The following DUOX2 variants were observed in gnomAD, a reference collection of about 807,000 sequenced individuals.
DUOX2 encodes the protein dual oxidase 2, also known as NADH/NADPH thyroid oxidase p138-tox.
DUOX2 carries 185 observed loss-of-function variants against 183.3 expected under a neutral mutation model. The ratio of observed to expected loss-of-function variants is 1.01; its 90% CI spans 0.90 to 1.14. DUOX2 has a LOEUF of 1.14. Among genes scored for constraint, DUOX2 ranks in the 50% most tolerant of loss-of-function variants. The pLI, the probability that DUOX2 is intolerant of heterozygous loss-of-function variation, is 0.00. For missense variants in DUOX2, 1,999 were observed against 2,022.9 expected (o/e 0.99, Z 0.23); for synonymous variants, 788 against 812.4 (o/e 0.97, Z 0.51).
At position 45,094,080 on chromosome 15, in the gene DUOX2, C is replaced by G; in HGVS notation, c.*70G>C. 1 of 1,608,400 alleles carries G rather than the reference C, an allele frequency of 6.2e-7. No homozygotes were observed. The highest frequency in any genetic ancestry group is 8.5e-7 in the Non-Finnish European group (1 of 1,175,186). On this transcript the variant is annotated 3_prime_UTR_variant, in exon 34 of 34. Transcript: ENST00000389039. Reference sequence around the variant, plus strand: ...TGGATTCTGATGGAGAGATTGCCAGCAGGGCTGGGCAACTTAGGTGCACAG... The same window carrying G: ...TGGATTCTGATGGAGAGATTGCCAGGAGGGCTGGGCAACTTAGGTGCACAG...
chr15:45,111,551 G>T lies in DUOX2; in HGVS notation c.548C>A (p.Ala183Asp), dbSNP rs1248620730. 1 of 1,552,244 alleles carries T rather than the reference G, an allele frequency of 6.4e-7. No homozygotes were observed. Among genetic ancestry groups the T allele is most frequent in the Non-Finnish European group, 8.7e-7 (1 of 1,152,740 alleles). Reference sequence around the variant, plus strand: ...CCAGGAGTGCGAGGAGCCATAGATGGCGCTGCCGTCCAGCCAGCCCGTCAC... The same window carrying T: ...CCAGGAGTGCGAGGAGCCATAGATGTCGCTGCCGTCCAGCCAGCCCGTCAC... ...NQVTGWLDGS[A>D]IYGSSHSWSD... Residue 183 changes from alanine to aspartate, a missense_variant, in exon 6 of 34, where the codon GCC (alanine) becomes GAC (aspartate). Physicochemically the swap from Ala to Asp is moderately radical, Grantham distance 126. Coordinates refer to ENST00000389039, the MANE Select transcript of DUOX2 (RefSeq NM_001363711.2).
Position 45,101,773 on chromosome 15 carries a change from A to G in DUOX2, c.2851+20T>C, listed in dbSNP as rs757801221. ...GACACGCCCCCCCTCCCTGACGCCA[A>G]CCATTCCTCACACACTCACCATTTC... is the stretch of plus-strand genomic sequence containing the variant. On this transcript the variant is annotated intron_variant, in intron 21 of 33. Transcript: ENST00000389039. The G allele has an allele frequency of 1.3e-5, 21 of 1,614,070 alleles. No homozygotes were observed. The Admixed American group carries it at 2.5e-4, about 19-fold the overall frequency.
chr15:45,096,967 A>G (rs1288927858), intron 29 of DUOX2, among the ~76,000 whole-genome samples: 1 of 151,804 alleles, frequency 6.6e-6, no homozygotes. Flanking sequence ...GCCCTTTCCC[A>G]TCCTCAAACC....
At chr15:45,099,983 G>C in intron 24 of DUOX2, 67 bp downstream of exon 24, 3 of 1,611,080 alleles carry the variant, frequency 1.9e-6, no homozygotes, top group South Asian at 1.1e-5. Context: ...GGATCAGAGG[G>C]CTTTCCACTC....
intron 14 of DUOX2, among the ~76,000 whole-genome samples, 165 bp from the exon 15 acceptor site, chr15:45,107,134 G>C (rs539458559): frequency 6.6e-6 from 1 of 152,144 alleles, no homozygotes; most frequent in African/African-American, 2.4e-5. Context: ...CCTGTCTCTT[G>C]GCATCTACCC....
chr15:45,102,080 G>A (rs1894098702), intron 20 of DUOX2, 91 bp from the exon 21 acceptor site: 1 of 1,474,060 alleles, frequency 6.8e-7, no homozygotes, highest in African/African-American at 1.4e-5. Flanking sequence ...ATTATCTAAT[G>A]TGGTTACCAG....
At chr15:45,096,293 C>T (rs1170027800) in intron 29 of DUOX2, among the ~76,000 whole-genome samples, 1 of 152,090 alleles carries the variant, frequency 6.6e-6, no homozygotes, top group Non-Finnish European at 1.5e-5. Flanking sequence ...CTCTCTACTC[C>T]CTCTTCCCAT....
chr15:45,101,081 C>A (rs1894069011), intron 22 of DUOX2, 124 bp downstream of exon 22: 8 of 885,164 alleles, frequency 9.0e-6, no homozygotes, highest in Middle Eastern at 6.1e-4. Flanking sequence ...TTTGTGCTAC[C>A]ATGAGCTACT....
At chr15:45,112,804 A>G in intron 3 of DUOX2, 86 bp from the exon 4 acceptor site, 1 of 1,589,496 alleles carries the variant, frequency 6.3e-7, no homozygotes, top group East Asian at 2.2e-5. Flanking sequence ...CTCAACCCCC[A>G]TCCCACTTCA....
At chr15:45,107,900 A>G in intron 13 of DUOX2, 147 bp downstream of exon 13, 1 of 784,884 alleles carries the variant, frequency 1.3e-6, no homozygotes, top group South Asian at 1.6e-5. Context: ...AGAGAAGAGA[A>G]GAAAAAAAGA....
intron 20 of DUOX2, 38 bp downstream of exon 20, chr15:45,103,922 A>G (rs1276534864): frequency 6.2e-7 from 1 of 1,610,176 alleles, no homozygotes; most frequent in Non-Finnish European, 8.5e-7. Context: ...TTTGAAACAC[A>G]CCAGGAAGTC....
At chr15:45,097,892 T>A in intron 27 of DUOX2, 117 bp downstream of exon 27, 1 of 1,545,786 alleles carries the variant, frequency 6.5e-7, no homozygotes, top group South Asian at 1.1e-5. Context: ...GAGCTGGGGC[T>A]TGTCCTGAAG....
At chr15:45,105,980 T>G (rs1894202163) in intron 17 of DUOX2, 145 bp downstream of exon 17, 2 of 1,369,676 alleles carry the variant, frequency 1.5e-6, no homozygotes, top group Non-Finnish European at 2.0e-6. Context: ...GGGGTCAGGT[T>G]GTGTCTGGGG....
chr15:45,105,985 C>G, intron 17 of DUOX2, 140 bp downstream of exon 17: 1 of 1,362,416 alleles, frequency 7.3e-7, no homozygotes, highest in South Asian at 1.2e-5. Flanking sequence ...CAGGTTGTGT[C>G]TGGGGGCCTC....
rs1309235832 is a variant in DUOX2 at position 45,095,086 on chromosome 15, G to T, written c.4245C>A (p.Tyr1415Ter). ...GCTGGGTCCGTGTCACCCAGATGAA[G>T]TAGATCTGGGGACACAGGGCTGGAG... ...LGSQMLCKKI[Y>*]FIWVTRTQRQ... The change falls in exon 32 of 34, where the codon TAC (tyrosine) becomes TAA (stop). Residue 1415 changes from tyrosine (Y) to a stop codon, truncating the protein, a stop_gained. Transcript: ENST00000389039. LOFTEE classifies it high-confidence loss of function. 1 of 1,613,616 alleles carries T rather than the reference G, an allele frequency of 6.2e-7. No individual in the cohort carries two copies. Among genetic ancestry groups the T allele is most frequent in the African/African-American group, 1.3e-5 (1 of 74,916 alleles).
In DUOX2 at chr15:45,101,652, C is replaced by T. The variant is rs557662004; in HGVS notation, c.2851+141G>A. 23 of 1,069,398 alleles carry T rather than the reference C, an allele frequency of 2.2e-5. No individual in the cohort carries two copies. The African/African-American group carries it at 2.7e-4, about 12-fold the overall frequency. 66.2% of individuals were successfully genotyped at this position (1,069,398 alleles called of 1,614,324 possible). On this transcript the variant is annotated intron_variant, in intron 21 of 33. Transcript: ENST00000389039. ...TAGGCAACTTGCACACCTACATGTGCCATCCCAATTACATGTGCTTGGTTC... is the reference window on the plus strand; with the variant it reads ...TAGGCAACTTGCACACCTACATGTGTCATCCCAATTACATGTGCTTGGTTC...
In DUOX2 at chr15:45,093,864, C is replaced by A; in HGVS notation, c.*286G>T. The A allele has an allele frequency of 2.3e-6, 1 of 427,720 alleles. No homozygotes were observed. Among genetic ancestry groups the A allele is most frequent in the South Asian group, 2.2e-5 (1 of 45,332 alleles). The allele number at this position is 427,720 out of a possible 1,614,324, so 26.5% of individuals were successfully genotyped here. On this transcript the variant is annotated 3_prime_UTR_variant, in exon 34 of 34. Transcript: ENST00000389039. ...TTCTTTGGGAGATCCTGACTGGTTG[C>A]GCACTTGCTAAGGGCAGGAAGTCTG... is the stretch of plus-strand genomic sequence containing the variant.
At chr15:45,109,666 A>C in intron 10 of DUOX2, 40 bp from the exon 11 acceptor site, 1 of 1,602,452 alleles carries the variant, frequency 6.2e-7, no homozygotes. Context: ...CCTCTACCCA[A>C]AACTCGGTCT....
Position 45,100,894 on chromosome 15 carries a change from T to C in DUOX2, c.2922-56A>G, listed in dbSNP as rs1056702781. 9.8e-5 allele frequency: 128 copies of C among 1,302,186 alleles called. No individual in the cohort carries two copies. In the African/African-American group the frequency reaches 1.7e-3, roughly 17 times the overall value. 80.7% of individuals were successfully genotyped at this position (1,302,186 alleles called of 1,614,324 possible). ...TTGTCTTTGCAGCCAGGAGAACAAC[T>C]CCCTGGGCAGAGCATGGGGTAGAGG... On this transcript the variant is annotated intron_variant, in intron 22 of 33. Coordinates refer to ENST00000389039, the MANE Select transcript of DUOX2 (RefSeq NM_001363711.2).
Sources: allele counts gnomAD v4.1 joint callset (sites outside exome capture counted in the v4.1 genomes callset), GRCh38; gene constraint gnomAD v4.1.1; transcripts MANE v1.5; gene names NCBI Gene and HGNC (gene_info 2026-07-23, HGNC 2026-07-21).